The following COL26A1 variants were observed in gnomAD, a reference collection of about 807,000 sequenced individuals.
COL26A1 encodes collagen type XXVI alpha 1 chain.
A neutral mutation model predicts 59.3 loss-of-function variants in COL26A1; 41 were observed. That is an observed-to-expected ratio of 0.69 (90% CI 0.54 to 0.90). The LOEUF is 0.90. Among genes scored for constraint, COL26A1 ranks in the 40% least tolerant of loss-of-function variants. The pLI is 0.00. For synonymous variants in COL26A1, 266 were observed against 256.0 expected, an observed-to-expected ratio of 1.04 and a Z score of -0.37; for missense variants, 612 against 602.3, an observed-to-expected ratio of 1.02 and a Z score of -0.17.
intron 1 of COL26A1, among the ~76,000 whole-genome samples, chr7:101,386,072 G>T (rs1181704666): frequency 6.6e-6 from 1 of 152,102 alleles, no homozygotes; most frequent in Non-Finnish European, 1.5e-5. Flanking sequence ...TCAAAACCTT[G>T]TTGAGTTTCA....
intron 2 of COL26A1, among the ~76,000 whole-genome samples, chr7:101,445,654 C>T (rs866785228): frequency 1.6e-4 from 23 of 141,740 alleles, no homozygotes; most frequent in Non-Finnish European, 2.9e-4. Flanking sequence ...ATGGCGTGAA[C>T]CCGGGAGGCG....
At chr7:101,465,691 C>CAAAAAAAAAA (rs539721605) in intron 3 of COL26A1, among the ~76,000 whole-genome samples, 1 of 102,656 alleles carries the variant, frequency 9.7e-6, no homozygotes, top group Non-Finnish European at 2.0e-5. Flanking sequence ...GAAACTGTCT[C>CAAAAAAAAAA]AAAAAAAAAA....
Position 101,551,314 on chromosome 7 carries a change from G to T in COL26A1, c.1029+171G>T, listed in dbSNP as rs190679416. Among the ~76,000 whole-genome samples the T allele has an allele frequency of 7.9e-5, 12 of 152,274 alleles. No homozygotes were observed. In the East Asian group the frequency reaches 2.3e-3, roughly 29 times the overall value. On this transcript the variant is annotated intron_variant, in intron 10 of 12. Transcript: ENST00000313669. ...AAGGACTCAAATCGCCTCCTGCTGC[G>T]GGGTGAGGAGGGAAGCGACCTCCAG...
At chr7:101,419,521 C>T (rs1792459306) in intron 1 of COL26A1, among the ~76,000 whole-genome samples, 1 of 152,180 alleles carries the variant, frequency 6.6e-6, no homozygotes. Context: ...TCACGGCCCC[C>T]ACACATTGGT....
intron 1 of COL26A1, among the ~76,000 whole-genome samples, chr7:101,371,502 A>T (rs960169742): frequency 8.0e-5 from 12 of 149,378 alleles, no homozygotes; most frequent in Admixed American, 1.3e-4. Context: ...AAAAAAAATT[A>T]AAAAATTAGC....
At chr7:101,493,734 A>G (rs2130538181) in intron 3 of COL26A1, among the ~76,000 whole-genome samples, 1 of 147,610 alleles carries the variant, frequency 6.8e-6, no homozygotes, top group African/African-American at 2.5e-5. Flanking sequence ...ATCCTGGCTA[A>G]CACAGTGAAA....
At chr7:101,427,673 A>AAT (rs386410836) in intron 2 of COL26A1, among the ~76,000 whole-genome samples, 2 of 149,636 alleles carry the variant, frequency 1.3e-5, no homozygotes, top group Non-Finnish European at 3.0e-5. Flanking sequence ...AAAAAAAAAA[A>AAT]ATTATTTTTT....
intron 1 of COL26A1, among the ~76,000 whole-genome samples, chr7:101,363,850 C>A (rs1016785542): frequency 6.6e-6 from 1 of 152,178 alleles, no homozygotes; most frequent in Admixed American, 6.5e-5. Context: ...GGCTTTGTGT[C>A]GCGGAGCAGG....
In COL26A1 at chr7:101,446,046, C is replaced by CAAAAAAAAAAAAAAAAAAAAAA. The variant is rs60343304; in HGVS notation, c.282-1635_282-1614dup. Among the ~76,000 whole-genome samples, 48 of 50,998 alleles carry CAAAAAAAAAAAAAAAAAAAAAA rather than the reference C, an allele frequency of 9.4e-4. 1 individual carries two copies. The highest frequency in any genetic ancestry group is 1.4e-3 in the Non-Finnish European group (38 of 26,448). 33.5% of individuals were successfully genotyped at this position (50,998 alleles called of 152,430 possible). A position where few individuals can be genotyped will look rare whatever the true frequency, so the allele number is the denominator to read the frequency against. ...CTGATGACAGAGCAAGACTCCGTCT[C>CAAAAAAAAAAAAAAAAAAAAAA]AAAAAAAAAAAAAAAAAAAAAAAAG... On this transcript the variant is annotated intron_variant, in intron 2 of 12. Transcript: ENST00000313669.
At chr7:101,398,011 C>CT (rs1410096237) in intron 1 of COL26A1, among the ~76,000 whole-genome samples, 1 of 152,196 alleles carries the variant, frequency 6.6e-6, no homozygotes, top group African/African-American at 2.4e-5. Context: ...CATAGAATAG[C>CT]TTTGCCTGTC....
chr7:101,442,544 C>T (rs1247213930), intron 2 of COL26A1, among the ~76,000 whole-genome samples: 3 of 152,278 alleles, frequency 2.0e-5, no homozygotes, highest in Admixed American at 1.3e-4. Context: ...CGATGTTATG[C>T]TAGAGCCTGG....
At chr7:101,513,296 C>A (rs910450647) in intron 3 of COL26A1, among the ~76,000 whole-genome samples, 1 of 151,802 alleles carries the variant, frequency 6.6e-6, no homozygotes, top group African/African-American at 2.4e-5. Context: ...GCATAAGCCA[C>A]CACGCCCAGC....
intron 1 of COL26A1, among the ~76,000 whole-genome samples, chr7:101,396,061 C>G (rs755570607): frequency 1.3e-5 from 2 of 152,002 alleles, no homozygotes; most frequent in Non-Finnish European, 2.9e-5. Flanking sequence ...AGTTTGAGGC[C>G]AGCCTGGGCA....
At chr7:101,468,315 TAAAA>T (rs1204134036) in intron 3 of COL26A1, among the ~76,000 whole-genome samples, 1 of 150,558 alleles carries the variant, frequency 6.6e-6, no homozygotes, top group Non-Finnish European at 1.5e-5. Context: ...AAAAAAAAAA[TAAAA>T]GAAATTATTT....
At chr7:101,542,890 G>A (rs755705776) in intron 5 of COL26A1, among the ~76,000 whole-genome samples, 4 of 152,234 alleles carry the variant, frequency 2.6e-5, no homozygotes, top group Non-Finnish European at 5.9e-5. Flanking sequence ...GGGGATGGAG[G>A]AGGAGGGGCT....
At chr7:101,527,297 GTC>G (rs979527889) in intron 3 of COL26A1, among the ~76,000 whole-genome samples, 108 of 151,966 alleles carry the variant, frequency 7.1e-4, no homozygotes, top group African/African-American at 2.5e-3. Flanking sequence ...GTCTCTGTCT[GTC>G]TCTTTCTCTT....
intron 3 of COL26A1, among the ~76,000 whole-genome samples, chr7:101,526,105 A>G (rs906154412): frequency 1.3e-4 from 19 of 149,836 alleles, no homozygotes; most frequent in Non-Finnish European, 1.5e-5. Flanking sequence ...CTGGAGTGCA[A>G]TGGCGTGATC....
At chr7:101,370,964 TCC>T (rs201681020) in intron 1 of COL26A1, among the ~76,000 whole-genome samples, 17 of 93,286 alleles carry the variant, frequency 1.8e-4, no homozygotes, top group African/African-American at 7.8e-4. Flanking sequence ...AGAACTCACT[TCC>T]CCAGTTTCCC....
chr7:101,424,179 C>T (rs370836046), intron 2 of COL26A1, among the ~76,000 whole-genome samples: 6 of 151,652 alleles, frequency 4.0e-5, no homozygotes, highest in East Asian at 3.9e-4. Flanking sequence ...CCAGCCTGGG[C>T]GACAGAGCGA....
Sources: gnomAD v4.1 joint callset for allele counts (sites outside exome capture counted in the v4.1 genomes callset) on GRCh38, gnomAD v4.1.1 for gene constraint, MANE v1.5 for transcripts, NCBI Gene and HGNC (gene_info 2026-07-23, HGNC 2026-07-21) for gene names.